Variants in LSAMP observed in about 807,000 individuals in gnomAD.
The protein encoded by LSAMP is limbic system-associated membrane protein.
Under a neutral mutation model 38.6 loss-of-function variants are expected in LSAMP, and 7 were observed. That is an observed-to-expected ratio of 0.18 (90% CI 0.10 to 0.34). The LOEUF is 0.34. Among genes scored for constraint, LSAMP ranks in the 10% least tolerant of loss-of-function variants. The probability of loss-of-function intolerance (pLI) is 1.00; values close to 1 mark genes in which losing one functional copy is unlikely to be tolerated. For missense variants in LSAMP, 313 were observed against 420.0 expected, an observed-to-expected ratio of 0.75 and a Z score of 2.23; for synonymous variants, 154 against 166.8, an observed-to-expected ratio of 0.92 and a Z score of 0.59.
intron 3 of LSAMP, among the ~76,000 whole-genome samples, chr3:115,984,612 A>C (rs969646289): frequency 1.2e-4 from 18 of 152,198 alleles, no homozygotes; most frequent in Non-Finnish European, 1.5e-5. Flanking sequence ...ACCGTATACT[A>C]ATTAGTAAAT....
intron 2 of LSAMP, among the ~76,000 whole-genome samples, chr3:116,021,782 G>A (rs1326266434): frequency 2.7e-5 from 4 of 148,906 alleles, no homozygotes; most frequent in Non-Finnish European, 5.9e-5. Context: ...TACTACCTGT[G>A]GTGCAATTGA....
intron 1 of LSAMP, among the ~76,000 whole-genome samples, chr3:116,193,146 T>A (rs1710793368): frequency 6.6e-6 from 1 of 152,210 alleles, no homozygotes; most frequent in South Asian, 2.1e-4. Flanking sequence ...AATCATGAGT[T>A]AAAGGTTTTA....
chr3:115,866,975 G>A (rs368237094), intron 3 of LSAMP, among the ~76,000 whole-genome samples: 7 of 152,004 alleles, frequency 4.6e-5, no homozygotes, highest in African/African-American at 1.7e-4. Context: ...AGGTTCTGTG[G>A]AACTGGAAAA....
intron 1 of LSAMP, among the ~76,000 whole-genome samples, chr3:116,436,991 A>G (rs1449386835): frequency 3.3e-5 from 5 of 150,548 alleles, no homozygotes; most frequent in Admixed American, 6.7e-5. Flanking sequence ...ATATATATAT[A>G]TGCATATATA....
intron 1 of LSAMP, among the ~76,000 whole-genome samples, chr3:116,355,080 C>T (rs1047674114): frequency 6.6e-6 from 1 of 151,920 alleles, no homozygotes; most frequent in Non-Finnish European, 1.5e-5. Flanking sequence ...AAAATAAAAT[C>T]GATGACATAA....
rs1221931814 is a variant in LSAMP, at chr3:116,354,266, G to C, written c.155+90611C>G. Among the ~76,000 whole-genome samples, 25 of 152,106 alleles carry C rather than the reference G, an allele frequency of 1.6e-4. 2 individuals are homozygous for C. Among genetic ancestry groups the C allele is most frequent in the Admixed American group, 1.6e-3 (25 of 15,264 alleles). ...AGACATCGCTGAATCAAAATCCAAA[G>C]CAGGTATTCCCAAGGTCAGACACTT... is the stretch of plus-strand genomic sequence containing the variant. On this transcript the variant is annotated intron_variant, in intron 1 of 6. Coordinates refer to ENST00000490035, the MANE Select transcript of LSAMP (RefSeq NM_002338.5).
chr3:116,275,688 T>C (rs892768575), intron 1 of LSAMP, among the ~76,000 whole-genome samples: 1 of 152,152 alleles, frequency 6.6e-6, no homozygotes, highest in Non-Finnish European at 1.5e-5. Flanking sequence ...AAATTCAAAA[T>C]CTGCTTCTCA....
chr3:115,967,820 G>A (rs1173656827), intron 3 of LSAMP, among the ~76,000 whole-genome samples: 6 of 151,974 alleles, frequency 3.9e-5, no homozygotes, highest in Non-Finnish European at 7.4e-5. Flanking sequence ...CATGGGAAAG[G>A]CCTACCCCCA....
chr3:115,922,505 T>C, intron 3 of LSAMP, among the ~76,000 whole-genome samples: 1 of 152,190 alleles, frequency 6.6e-6, no homozygotes, highest in Non-Finnish European at 1.5e-5. Context: ...ATTTTCATGA[T>C]GCTTATTTTG....
chr3:116,298,423 AG>A (rs1398223080), intron 1 of LSAMP, among the ~76,000 whole-genome samples: 1 of 152,060 alleles, frequency 6.6e-6, no homozygotes, highest in South Asian at 2.1e-4. Flanking sequence ...TGTGTTCAGA[AG>A]GGGGAAAAAA....
At chr3:116,002,685 T>C (rs1225234776) in intron 3 of LSAMP, among the ~76,000 whole-genome samples, 1 of 152,152 alleles carries the variant, frequency 6.6e-6, no homozygotes, top group Non-Finnish European at 1.5e-5. Context: ...TACATGCAAA[T>C]GGAACCAAAA....
intron 1 of LSAMP, among the ~76,000 whole-genome samples, chr3:116,129,762 T>A (rs1709084307): frequency 6.6e-6 from 1 of 152,144 alleles, no homozygotes; most frequent in South Asian, 2.1e-4. Context: ...GCATATGCAA[T>A]GTTTCCATGG....
intron 3 of LSAMP, among the ~76,000 whole-genome samples, chr3:115,855,633 C>T (rs1455507832): frequency 6.6e-6 from 1 of 152,152 alleles, no homozygotes; most frequent in Non-Finnish European, 1.5e-5. Flanking sequence ...GAAACTACAC[C>T]GTATTCCATC....
In LSAMP at chr3:116,437,039, G is replaced by GTA. The variant is rs1319985030; in HGVS notation, c.155+7837_155+7838insTA. On this transcript the variant is annotated intron_variant, in intron 1 of 6. Transcript: ENST00000490035. ...TATATGTGTGTGTATATATATATAT[G>GTA]TGTATATATATATATACACACACAC... is the stretch of plus-strand genomic sequence containing the variant. 3.3e-4 allele frequency among the ~76,000 whole-genome samples: 45 copies of GTA among 137,066 alleles called. 1 individual carries two copies. In the East Asian group the frequency reaches 8.4e-3, roughly 25 times the overall value. 89.9% of individuals were successfully genotyped at this position (137,066 alleles called of 152,430 possible).
chr3:116,186,236 T>C (rs993460631), intron 1 of LSAMP, among the ~76,000 whole-genome samples: 1 of 152,138 alleles, frequency 6.6e-6, no homozygotes, highest in Non-Finnish European at 1.5e-5. Context: ...AAAGTCTTTT[T>C]GATGTTTTAA....
At chr3:116,174,995 A>C (rs1024264406) in intron 1 of LSAMP, among the ~76,000 whole-genome samples, 1 of 152,004 alleles carries the variant, frequency 6.6e-6, no homozygotes, top group African/African-American at 2.4e-5. Context: ...ACCTTCTCAA[A>C]TGTCTCCTCC....
intron 3 of LSAMP, among the ~76,000 whole-genome samples, chr3:115,973,181 A>C (rs1939073306): frequency 6.6e-6 from 1 of 152,182 alleles, no homozygotes; most frequent in South Asian, 2.1e-4. Context: ...GCGATTAAAC[A>C]TTTTGGGGTA....
intron 3 of LSAMP, among the ~76,000 whole-genome samples, chr3:115,868,857 T>G (rs1442399373): frequency 1.3e-5 from 2 of 152,104 alleles, no homozygotes; most frequent in African/African-American, 2.4e-5. Flanking sequence ...TACATTAGAT[T>G]GTTAGATTTT....
At chr3:116,295,427 A>G (rs1409739256) in intron 1 of LSAMP, among the ~76,000 whole-genome samples, 1 of 152,160 alleles carries the variant, frequency 6.6e-6, no homozygotes, top group African/African-American at 2.4e-5. Context: ...TAGCTATAGG[A>G]ATTTATTTTT....
Sources: allele counts gnomAD v4.1 joint callset (sites outside exome capture counted in the v4.1 genomes callset), GRCh38; gene constraint gnomAD v4.1.1; transcripts MANE v1.5; gene names NCBI Gene and HGNC (gene_info 2026-07-23, HGNC 2026-07-21).